DPY19L3: variants seen among roughly 807,000 people sequenced by gnomAD.
DPY19L3 encodes the protein protein C-mannosyl-transferase DPY19L3.
Under a neutral mutation model 92.3 loss-of-function variants are expected in DPY19L3, and 51 were observed. That is an observed-to-expected ratio of 0.55 (90% CI 0.44 to 0.70). DPY19L3 has a LOEUF of 0.70. DPY19L3 is among the 30% of genes least tolerant of loss of function. The probability of loss-of-function intolerance (pLI) is 0.00; values close to 1 mark genes in which losing one functional copy is unlikely to be tolerated. For synonymous variants in DPY19L3, 309 were observed against 315.2 expected, an observed-to-expected ratio of 0.98 and a Z score of 0.21; for missense variants, 706 against 855.9, an observed-to-expected ratio of 0.82 and a Z score of 2.18.
At chr19:32,468,892 T>C in intron 16 of DPY19L3, 79 bp downstream of exon 16, 1 of 1,384,950 alleles carries the variant, frequency 7.2e-7, no homozygotes, top group Non-Finnish European at 9.8e-7. Flanking sequence ...TTTTGGGGGT[T>C]TTTTGTTTGT....
At chr19:32,455,114 T>C (rs1299949231) in intron 10 of DPY19L3, 74 bp downstream of exon 10, 4 of 1,026,288 alleles carry the variant, frequency 3.9e-6, no homozygotes, top group African/African-American at 1.7e-5. Flanking sequence ...TTTGAAACTT[T>C]CTTTTTCTTT....
At chr19:32,424,198 C>T (rs1968677705) in intron 3 of DPY19L3, among the ~76,000 whole-genome samples, 1 of 151,648 alleles carries the variant, frequency 6.6e-6, no homozygotes, top group African/African-American at 2.4e-5. Context: ...TGTGCACCTG[C>T]AGCCCCAGTT....
intron 4 of DPY19L3, 82 bp downstream of exon 4, chr19:32,432,888 A>G (rs910575830): frequency 1.6e-5 from 17 of 1,078,208 alleles, no homozygotes; most frequent in African/African-American, 1.6e-5. Context: ...ACTAAAAACC[A>G]CTTAAATGCT....
At chr19:32,466,292 T>A (rs773860199) in intron 15 of DPY19L3, among the ~76,000 whole-genome samples, 10 of 152,180 alleles carry the variant, frequency 6.6e-5, no homozygotes, top group Non-Finnish European at 1.3e-4. Context: ...TAAACATGCA[T>A]GTGTTTGGGT....
intron 14 of DPY19L3, 67 bp from the exon 15 acceptor site, chr19:32,464,661 G>A (rs933078127): frequency 9.9e-7 from 1 of 1,011,050 alleles, no homozygotes; most frequent in African/African-American, 1.7e-5. Flanking sequence ...AACATAGCAA[G>A]ACCCTGTCTC....
intron 3 of DPY19L3, among the ~76,000 whole-genome samples, chr19:32,421,146 T>C (rs756144504): frequency 6.6e-6 from 1 of 152,240 alleles, no homozygotes; most frequent in Admixed American, 6.5e-5. Context: ...CAACTTTGGA[T>C]AGTTAGATTG....
chr19:32,420,623 T>C (rs1968537823), intron 3 of DPY19L3, among the ~76,000 whole-genome samples: 1 of 152,106 alleles, frequency 6.6e-6, no homozygotes, highest in Non-Finnish European at 1.5e-5. Context: ...CTAACTTTTG[T>C]ATTTTTAGTA....
In DPY19L3 at chr19:32,414,455, A is replaced by G. The variant is rs796910558; in HGVS notation, c.237+3083A>G. On this transcript the variant is annotated intron_variant, in intron 3 of 18. Coordinates refer to ENST00000392250, the MANE Select transcript of DPY19L3 (RefSeq NM_001172774.2). Reference sequence around the variant, plus strand: ...AACAAACAAAAGAAATTAGCCAGGCATGGTGGCACATGCCTGTATTTCCAG... The same window carrying G: ...AACAAACAAAAGAAATTAGCCAGGCGTGGTGGCACATGCCTGTATTTCCAG... 1.3e-4 allele frequency among the ~76,000 whole-genome samples: 19 copies of G among 151,138 alleles called. 1 individual carries two copies. The highest frequency in any genetic ancestry group is 4.4e-4 in the African/African-American group (18 of 41,268).
intron 14 of DPY19L3, 150 bp downstream of exon 14, chr19:32,464,130 G>A: frequency 2.4e-6 from 1 of 410,234 alleles, no homozygotes; most frequent in Non-Finnish European, 4.3e-6. Flanking sequence ...ATTTTATAGG[G>A]AATTATTTTA....
chr19:32,462,318 G>C (rs1970065403), intron 12 of DPY19L3, among the ~76,000 whole-genome samples: 1 of 152,180 alleles, frequency 6.6e-6, no homozygotes, highest in Admixed American at 6.5e-5. Flanking sequence ...TGAGTCTCAG[G>C]TGGGACAGAC....
chr19:32,447,747 AGATAGAT>A, intron 8 of DPY19L3, among the ~76,000 whole-genome samples: 1 of 148,786 alleles, frequency 6.7e-6, no homozygotes, highest in Non-Finnish European at 1.5e-5. Flanking sequence ...ATAGATAGAT[AGATAGAT>A]AGATAGATAG....
Position 32,484,990 on chromosome 19 carries a change from T to C in DPY19L3, c.*2750T>C, listed in dbSNP as rs1970762440. 1 of 152,150 alleles carries C rather than the reference T, an allele frequency of 6.6e-6. No individual in the cohort carries two copies. The highest frequency in any genetic ancestry group is 6.5e-5 in the Admixed American group (1 of 15,268). 9.4% of individuals were successfully genotyped at this position (152,150 alleles called of 1,614,324 possible). A position where few individuals can be genotyped will look rare whatever the true frequency, so the allele number is the denominator to read the frequency against. ...CTTCATAGATTTATTTAAGTACTCA[T>C]CCCACCTTTAAAACCTCTAAACTGA... On this transcript the variant is annotated 3_prime_UTR_variant, in exon 19 of 19. Transcript: ENST00000392250.
chr19:32,455,844 G>T (rs1373045290), intron 10 of DPY19L3, among the ~76,000 whole-genome samples: 1 of 152,040 alleles, frequency 6.6e-6, no homozygotes, highest in Admixed American at 6.6e-5. Flanking sequence ...TTCAGGGTAG[G>T]CTTTATTAAA....
chr19:32,460,487 A>G (rs1970002757), intron 12 of DPY19L3, among the ~76,000 whole-genome samples: 1 of 152,218 alleles, frequency 6.6e-6, no homozygotes, highest in African/African-American at 2.4e-5. Context: ...TGGAGCTTGC[A>G]GGACTGGAAG....
chr19:32,419,129 G>C (rs372343190), intron 3 of DPY19L3, among the ~76,000 whole-genome samples: 31 of 151,204 alleles, frequency 2.1e-4, no homozygotes, highest in African/African-American at 7.5e-4. Context: ...GAACTATTTG[G>C]GGGCATTTTA....
chr19:32,421,927 TC>T (rs962040776), intron 3 of DPY19L3, among the ~76,000 whole-genome samples: 7 of 152,104 alleles, frequency 4.6e-5, no homozygotes, highest in Admixed American at 2.6e-4. Context: ...ATTTCGAAGA[TC>T]CCCAAAGCTA....
At chr19:32,473,475 C>T (rs1315120196) in intron 16 of DPY19L3, among the ~76,000 whole-genome samples, 1 of 152,218 alleles carries the variant, frequency 6.6e-6, no homozygotes, top group Non-Finnish European at 1.5e-5. Context: ...AGCATTATGT[C>T]CATCACTGTG....
Position 32,411,755 on chromosome 19 carries a change from A to G in DPY19L3, c.237+383A>G, listed in dbSNP as rs1202570777. The stretch of plus-strand genomic sequence containing the variant: ...GCTAATTTTTGTATTTTTACTAGAG[A>G]CGGGGTTTCAGCATATTGACCAGGC... On this transcript the variant is annotated intron_variant, in intron 3 of 18. Transcript: ENST00000392250. 1.4e-5 allele frequency: 3 copies of G among 215,884 alleles called. No individual in the cohort carries two copies. In the East Asian group the frequency reaches 2.9e-4, roughly 21 times the overall value. 13.4% of individuals were successfully genotyped at this position (215,884 alleles called of 1,614,324 possible).
chr19:32,468,441 C>G, intron 15 of DPY19L3: 1 of 1,073,228 alleles, frequency 9.3e-7, no homozygotes, highest in Non-Finnish European at 1.1e-6. Context: ...GTATTATCAT[C>G]ACATACAATA....
Sources: allele counts gnomAD v4.1 joint callset (sites outside exome capture counted in the v4.1 genomes callset), GRCh38; gene constraint gnomAD v4.1.1; transcripts MANE v1.5; gene names NCBI Gene and HGNC (gene_info 2026-07-23, HGNC 2026-07-21).